The following VLDLR variants were observed in gnomAD, a reference collection of about 807,000 sequenced individuals.
VLDLR encodes very low-density lipoprotein receptor.
Under a neutral mutation model 112.7 loss-of-function variants are expected in VLDLR, and 81 were observed. The observed-to-expected ratio is 0.72, with a 90% confidence interval of 0.60 to 0.86. The LOEUF (loss-of-function observed/expected upper bound fraction) is 0.86. Among genes scored for constraint, VLDLR ranks in the 40% least tolerant of loss-of-function variants. The pLI, the probability that VLDLR is intolerant of heterozygous loss-of-function variation, is 0.00. For synonymous variants in VLDLR, 436 were observed against 384.8 expected (o/e 1.13, Z -1.56); for missense variants, 1,237 against 1,099.4 (o/e 1.13, Z -1.77).
In VLDLR at chr9:2,652,760, T is replaced by A. The variant is rs572159634; in HGVS notation, c.2417-20T>A. The A allele has an allele frequency of 1.2e-6, 2 of 1,614,086 alleles. No homozygotes were observed. The highest frequency in any genetic ancestry group is 2.2e-5 in the East Asian group (1 of 44,886). On this transcript the variant is annotated intron_variant, in intron 17 of 18. Transcript: ENST00000382100. ...CAATACTAGACTTAGCTCACTTAGC[T>A]ACCCTCTGATTTTTTTCAGTGCTCT... is the stretch of plus-strand genomic sequence containing the variant.
Position 2,648,697 on chromosome 9 carries a change from A to G in VLDLR, c.1991A>G (p.Asn664Ser). ...EDRVYWIDGE[N>S]EAVYGANKFT... The stretch of plus-strand genomic sequence containing the variant: ...CGTGTCTACTGGATAGATGGGGAAA[A>G]TGAAGCAGTCTATGGTGCCAATAAA... The change falls in exon 14 of 19, where the codon AAT becomes AGT. Residue 664 changes from asparagine (N) to serine (S), a missense_variant. Physicochemically the swap from Asn to Ser is conservative, Grantham distance 46 (BLOSUM62 1). Coordinates refer to ENST00000382100, the MANE Select transcript of VLDLR (RefSeq NM_003383.5). The G allele has an allele frequency of 1.2e-6, 2 of 1,614,182 alleles. No homozygotes were observed. Among genetic ancestry groups the G allele is most frequent in the Non-Finnish European group, 1.7e-6 (2 of 1,180,032 alleles).
At position 2,645,778 on chromosome 9, in the gene VLDLR, A is replaced by T. The variant is rs369458672; in HGVS notation, c.1484+33A>T. 232 of 1,613,530 alleles carry T rather than the reference A, an allele frequency of 1.4e-4. No individual in the cohort carries two copies. In the African/African-American group the frequency reaches 2.4e-3, roughly 17 times the overall value. ...TCAGTTCCTTTTGTGGTGTCTTGAC[A>T]TAAGTCATTGTCACTTGGGAAGTGA... On this transcript the variant is annotated intron_variant, in intron 10 of 18. Transcript: ENST00000382100.
intron 7 of VLDLR, among the ~76,000 whole-genome samples, 169 bp downstream of exon 7, chr9:2,644,128 C>G (rs1432515636): frequency 1.4e-5 from 2 of 147,948 alleles, no homozygotes; most frequent in East Asian, 3.9e-4. Flanking sequence ...GTAGGACAAA[C>G]TAGTTTATAG....
rs1817938112 is a variant in VLDLR, at chr9:2,643,853, C to A, written c.960C>A (p.Gly320=). The A allele has an allele frequency of 4.3e-6, 7 of 1,614,152 alleles. No individual in the cohort carries two copies. The East Asian group carries it at 1.6e-4, about 36-fold the overall frequency. ...VNCKNVNQCL[G]PGKFKCRSGE... is the part of the protein sequence containing the mutation. ...TCTTTGTAGTCAATCAGTGCTTGGG[C>A]CCTGGAAAATTCAAGTGCAGAAGTG... The change falls in exon 7 of 19, where the codon GGC becomes GGA. Residue 320 remains glycine (G), a synonymous_variant. Transcript: ENST00000382100.
chr9:2,623,929 T>C (rs1281119939), intron 1 of VLDLR, among the ~76,000 whole-genome samples: 1 of 152,232 alleles, frequency 6.6e-6, no homozygotes, highest in Admixed American at 6.5e-5. Flanking sequence ...TATTAAACGA[T>C]TTCTCAGTAT....
chr9:2,636,546 T>A (rs191337705), intron 2 of VLDLR, among the ~76,000 whole-genome samples: 1 of 152,320 alleles, frequency 6.6e-6, no homozygotes, highest in East Asian at 1.9e-4. Context: ...CAGAGCAGTA[T>A]CACAGGTGTT....
chr9:2,651,800 C>A (rs903611331), intron 16 of VLDLR, 74 bp from the exon 17 acceptor site: 2 of 1,548,438 alleles, frequency 1.3e-6, no homozygotes, highest in Admixed American at 3.4e-5. Flanking sequence ...AAGGTTTTGG[C>A]TCCTTACCTG....
chr9:2,626,261 A>G (rs543692680), intron 1 of VLDLR, among the ~76,000 whole-genome samples: 1 of 152,298 alleles, frequency 6.6e-6, no homozygotes, highest in South Asian at 2.1e-4. Flanking sequence ...TTTCACATAC[A>G]CCTTATACAC....
intron 2 of VLDLR, among the ~76,000 whole-genome samples, chr9:2,636,094 A>G (rs957737310): frequency 6.6e-6 from 1 of 152,188 alleles, no homozygotes; most frequent in African/African-American, 2.4e-5. Flanking sequence ...AGGGCGGAAG[A>G]CATTCTCTCC....
At chr9:2,637,003 C>T (rs554942651) in intron 2 of VLDLR, among the ~76,000 whole-genome samples, 24 of 152,306 alleles carry the variant, frequency 1.6e-4, no homozygotes, top group African/African-American at 4.8e-4. Context: ...TGTATAAGTA[C>T]TCTCTACTAG....
chr9:2,652,940 G>A lies in VLDLR; in HGVS notation c.2577G>A (p.Thr859=), dbSNP rs769064973. The stretch of plus-strand genomic sequence containing the variant: ...GACACAGTGCTTCTGTTGGACACAC[G>A]TACCCAGCAGTAAGTCAGCTTTGTG... ...IGRHSASVGH[T]YPAISVVSTD... The change falls in exon 18 of 19, where the codon ACG becomes ACA. Residue 859 remains threonine (T), a synonymous_variant. Coordinates refer to ENST00000382100, the MANE Select transcript of VLDLR (RefSeq NM_003383.5). 1.2e-5 allele frequency: 19 copies of A among 1,613,984 alleles called. No homozygotes were observed. In the Middle Eastern group the frequency reaches 5.0e-4, roughly 42 times the overall value.
At chr9:2,641,589 C>G in intron 4 of VLDLR, 90 bp downstream of exon 4, 1 of 1,588,144 alleles carries the variant, frequency 6.3e-7, no homozygotes, top group Non-Finnish European at 8.6e-7. Flanking sequence ...CCTGAAGACG[C>G]ACTGACATTG....
At position 2,659,545 on chromosome 9, in the gene VLDLR, GA is replaced by G. The variant is rs1314951090; in HGVS notation, c.*5678del. 15 of 152,326 alleles carry G rather than the reference GA, an allele frequency of 9.8e-5. No individual in the cohort carries two copies. The highest frequency in any genetic ancestry group is 3.4e-3 in the Middle Eastern group (1 of 294). 9.4% of individuals were successfully genotyped at this position (152,326 alleles called of 1,614,324 possible). A position where few individuals can be genotyped will look rare whatever the true frequency, so the allele number is the denominator to read the frequency against. ...GTTGGATTGCAAAGAAAATGATAAA[GA>G]TTCCCTAAAGGAATTTATAAGCAGG... On this transcript the variant is annotated 3_prime_UTR_variant, in exon 19 of 19. Transcript: ENST00000382100.
At chr9:2,645,112 G>A in intron 9 of VLDLR, 30 bp downstream of exon 9, 4 of 1,613,812 alleles carry the variant, frequency 2.5e-6, no homozygotes, top group African/African-American at 1.3e-5. Flanking sequence ...TATGGCTGTT[G>A]TACCTTTATG....
chr9:2,641,596 A>G, intron 4 of VLDLR, 97 bp downstream of exon 4: 2 of 1,575,408 alleles, frequency 1.3e-6, no homozygotes, highest in Non-Finnish European at 1.7e-6. Flanking sequence ...ACGCACTGAC[A>G]TTGACTCACT....
At chr9:2,634,742 A>T (rs547120211) in intron 1 of VLDLR, among the ~76,000 whole-genome samples, 2 of 152,202 alleles carry the variant, frequency 1.3e-5, no homozygotes, top group Non-Finnish European at 2.9e-5. Flanking sequence ...TGTTGCTTTT[A>T]TCTTGGAGCT....
At position 2,622,322 on chromosome 9, in the gene VLDLR, C is replaced by T. The variant is rs1026379007; in HGVS notation, c.82+51C>T. ...GGCGGGCGGGACCCAGCCGGGGCAC[C>T]GGGAGACCCCGAGGCGTAGGTCTCC... is the stretch of plus-strand genomic sequence containing the variant. On this transcript the variant is annotated intron_variant, in intron 1 of 18. Transcript: ENST00000382100. 36 of 1,407,962 alleles carry T rather than the reference C, an allele frequency of 2.6e-5. No homozygotes were observed. The African/African-American group carries it at 3.5e-4, about 14-fold the overall frequency. The allele number at this position is 1,407,962 out of a possible 1,614,324, so 87.2% of individuals were successfully genotyped here.
intron 1 of VLDLR, among the ~76,000 whole-genome samples, chr9:2,631,765 G>A (rs551967009): frequency 6.0e-4 from 92 of 152,152 alleles, no homozygotes; most frequent in African/African-American, 2.1e-3. Flanking sequence ...AAACGTGCTC[G>A]CGTGATGGAC....
At chr9:2,645,924 C>CT (rs1291566019) in intron 10 of VLDLR, among the ~76,000 whole-genome samples, 179 bp downstream of exon 10, 1 of 152,122 alleles carries the variant, frequency 6.6e-6, no homozygotes, top group Non-Finnish European at 1.5e-5. Context: ...TAATTAGAAA[C>CT]TAACAATTGT....
Sources: allele counts gnomAD v4.1 joint callset (sites outside exome capture counted in the v4.1 genomes callset), GRCh38; gene constraint gnomAD v4.1.1; transcripts MANE v1.5; gene names NCBI Gene and HGNC (gene_info 2026-07-23, HGNC 2026-07-21).